Variants in ZNF618 observed in about 807,000 individuals in gnomAD.
ZNF618 encodes neural precursor cell expressed, developmentally down-regulated 10.
ZNF618 carries 34 observed loss-of-function variants against 103.0 expected under a neutral mutation model. The observed-to-expected ratio is 0.33, with a 90% CI of 0.25 to 0.44. The LOEUF (loss-of-function observed/expected upper bound fraction) is 0.44, where lower values mean the gene tolerates loss of function less well. ZNF618 is among the 20% of genes least tolerant of loss of function. The probability of loss-of-function intolerance (pLI) is 1.00; values close to 1 mark genes in which losing one functional copy is unlikely to be tolerated. For synonymous variants in ZNF618, 551 were observed against 542.2 expected (o/e 1.02, Z -0.23); for missense variants, 1,059 against 1,295.4 (o/e 0.82, Z 2.80).
chr9:113,967,812 T>C (rs1467948322), intron 1 of ZNF618, among the ~76,000 whole-genome samples: 1 of 151,886 alleles, frequency 6.6e-6, no homozygotes, highest in Non-Finnish European at 1.5e-5. Flanking sequence ...AAGGCAAGAG[T>C]GGAGGATGGA....
chr9:113,908,697 C>G (rs2131388348), intron 1 of ZNF618, among the ~76,000 whole-genome samples: 1 of 152,136 alleles, frequency 6.6e-6, no homozygotes, highest in South Asian at 2.1e-4. Context: ...AGTTTGAAGA[C>G]CGCTGTGCAG....
rs140011417 is a variant in ZNF618 at position 113,905,259 on chromosome 9, G to A, written c.33+28846G>A. 6.0e-4 allele frequency among the ~76,000 whole-genome samples: 91 copies of A among 152,248 alleles called. 1 individual carries two copies. In the East Asian group the frequency reaches 0.013, roughly 22 times the overall value. ...TTTAGTAGAGATGGGGTTTCACCAT[G>A]TTAGCCAGGCTGGTCTTGAACTCCT... is the stretch of plus-strand genomic sequence containing the variant. On this transcript the variant is annotated intron_variant, in intron 1 of 14. Coordinates refer to ENST00000374126, the MANE Select transcript of ZNF618 (RefSeq NM_001318042.2).
In ZNF618 at chr9:114,050,442, G is replaced by A. The variant is rs867439102; in HGVS notation, c.*275G>A. ...ATGGCCAGAGAAACTTTGCACACAC[G>A]CACACACACACACACACACACACAC... On this transcript the variant is annotated 3_prime_UTR_variant, in exon 15 of 15. Transcript: ENST00000374126. 2.3e-3 allele frequency: 482 copies of A among 210,206 alleles called. 7 individuals carry two copies. In the South Asian group the frequency reaches 0.024, roughly 10 times the overall value. The allele number at this position is 210,206 out of a possible 1,614,324, so 13.0% of individuals were successfully genotyped here. A position where few individuals can be genotyped will look rare whatever the true frequency, so the allele number is the denominator to read the frequency against.
At chr9:114,036,564 C>G (rs1032075981) in intron 13 of ZNF618, among the ~76,000 whole-genome samples, 187 bp downstream of exon 13, 1 of 152,188 alleles carries the variant, frequency 6.6e-6, no homozygotes, top group African/African-American at 2.4e-5. Context: ...CTGTGCTCTG[C>G]AGGTGGGGGC....
chr9:114,016,898 A>C, intron 10 of ZNF618, 114 bp downstream of exon 10: 1 of 777,264 alleles, frequency 1.3e-6, no homozygotes, highest in South Asian at 1.7e-5. Flanking sequence ...AGGTGAGCTC[A>C]GTTCTGGGTC....
rs1324929656 is a variant in ZNF618 at position 114,054,121 on chromosome 9, T to C, written c.*3954T>C. The C allele has an allele frequency of 6.6e-6, 1 of 152,602 alleles. No individual in the cohort carries two copies. The highest frequency in any genetic ancestry group is 1.9e-4 in the East Asian group (1 of 5,190). The allele number at this position is 152,602 out of a possible 1,614,324, so 9.5% of individuals were successfully genotyped here. A position where few individuals can be genotyped will look rare whatever the true frequency, so the allele number is the denominator to read the frequency against. ...TTAAAGAAACACCAGAGAAAAAATC[T>C]ACAAGGCGTGTTTCCACTGAAGCTG... On this transcript the variant is annotated 3_prime_UTR_variant, in exon 15 of 15. Coordinates refer to ENST00000374126, the MANE Select transcript of ZNF618 (RefSeq NM_001318042.2).
At chr9:114,028,566 T>A (rs1843717334) in intron 10 of ZNF618, 167 bp from the exon 11 acceptor site, 15 of 1,083,506 alleles carry the variant, frequency 1.4e-5, no homozygotes, top group Non-Finnish European at 1.9e-5. Flanking sequence ...TCCAGACTCC[T>A]GGACTTTCTC....
rs561336104 is a variant in ZNF618 at position 114,009,279 on chromosome 9, G to A, written c.754+725G>A. Reference sequence around the variant, plus strand: ...ATGCTGGAAGCTTTCAGATGGGGACGAGGGTAGGGGATGAGCCCCAGCATC... The same window carrying A: ...ATGCTGGAAGCTTTCAGATGGGGACAAGGGTAGGGGATGAGCCCCAGCATC... On this transcript the variant is annotated intron_variant, in intron 9 of 14. Transcript: ENST00000374126. Among the ~76,000 whole-genome samples the A allele has an allele frequency of 2.6e-4, 39 of 152,280 alleles. 1 individual carries two copies. The South Asian group carries it at 7.0e-3, about 28-fold the overall frequency.
intron 1 of ZNF618, among the ~76,000 whole-genome samples, chr9:113,884,866 G>A (rs1035585390): frequency 2.6e-5 from 4 of 152,108 alleles, no homozygotes; most frequent in Non-Finnish European, 5.9e-5. Flanking sequence ...CAAGACCTCA[G>A]TGAACAAGCG....
At chr9:113,917,378 G>A (rs1325795143) in intron 1 of ZNF618, among the ~76,000 whole-genome samples, 1 of 151,236 alleles carries the variant, frequency 6.6e-6, no homozygotes, top group African/African-American at 2.4e-5. Context: ...CCCGTGTAGG[G>A]AGGGACTACA....
intron 10 of ZNF618, among the ~76,000 whole-genome samples, chr9:114,027,293 C>T (rs1396804800): frequency 6.6e-6 from 1 of 152,132 alleles, no homozygotes; most frequent in African/African-American, 2.4e-5. Flanking sequence ...GCTCAGGTCA[C>T]AAGGGACACA....
At chr9:113,927,511 T>C (rs569020463) in intron 1 of ZNF618, among the ~76,000 whole-genome samples, 7 of 152,358 alleles carry the variant, frequency 4.6e-5, no homozygotes, top group Admixed American at 6.5e-5. Flanking sequence ...TCTCATTGGT[T>C]CTCAGTCTTT....
intron 1 of ZNF618, among the ~76,000 whole-genome samples, chr9:113,893,938 A>G (rs1276927887): frequency 6.6e-6 from 1 of 152,136 alleles, no homozygotes; most frequent in African/African-American, 2.4e-5. Flanking sequence ...TAAATTTAGT[A>G]TATTCTTTAA....
chr9:113,960,118 G>A (rs1478766001), intron 1 of ZNF618, among the ~76,000 whole-genome samples: 2 of 152,230 alleles, frequency 1.3e-5, no homozygotes, highest in African/African-American at 4.8e-5. Context: ...CAACTAATAT[G>A]TGCCGGCGTC....
intron 10 of ZNF618, among the ~76,000 whole-genome samples, chr9:114,027,581 C>T (rs1412493405): frequency 6.6e-6 from 1 of 152,272 alleles, no homozygotes; most frequent in African/African-American, 2.4e-5. Context: ...CTGCATCCTG[C>T]TTCTTTGGGC....
At chr9:113,922,690 CT>C (rs1832753327) in intron 1 of ZNF618, among the ~76,000 whole-genome samples, 1 of 152,140 alleles carries the variant, frequency 6.6e-6, no homozygotes, top group Non-Finnish European at 1.5e-5. Context: ...ACTACACTGT[CT>C]TGTTTACTGT....
intron 9 of ZNF618, among the ~76,000 whole-genome samples, chr9:114,012,855 T>C (rs144210247): frequency 2.2e-4 from 34 of 152,252 alleles, no homozygotes; most frequent in Admixed American, 4.6e-4. Context: ...TAAGATCTAA[T>C]AGAAGAAAAA....
chr9:113,927,875 T>C (rs1833242979), intron 1 of ZNF618, among the ~76,000 whole-genome samples: 1 of 152,212 alleles, frequency 6.6e-6, no homozygotes, highest in Non-Finnish European at 1.5e-5. Flanking sequence ...CATGGAAGTT[T>C]TCGTCTTTCA....
At chr9:114,046,080 C>T (rs1025728358) in intron 13 of ZNF618, among the ~76,000 whole-genome samples, 1 of 151,812 alleles carries the variant, frequency 6.6e-6, no homozygotes, top group African/African-American at 2.4e-5. Flanking sequence ...TATCCTGCAC[C>T]CTCGCTGAAT....
Sources: gnomAD v4.1 joint callset for allele counts (sites outside exome capture counted in the v4.1 genomes callset) on GRCh38, gnomAD v4.1.1 for gene constraint, MANE v1.5 for transcripts, NCBI Gene and HGNC (gene_info 2026-07-23, HGNC 2026-07-21) for gene names.